Variants in AGBL5 observed in about 807,000 individuals in gnomAD.
AGBL5 encodes AGBL carboxypeptidase 5.
Under a neutral mutation model 88.0 loss-of-function variants are expected in AGBL5, and 51 were observed. The observed-to-expected ratio is 0.58, with a 90% confidence interval of 0.46 to 0.73. The LOEUF is 0.73. Among genes scored for constraint, AGBL5 ranks in the 30% least tolerant of loss-of-function variants. AGBL5 has a pLI of 0.00. For synonymous variants in AGBL5, 446 were observed against 438.8 expected, an observed-to-expected ratio of 1.02 and a Z score of -0.21; for missense variants, 1,031 against 1,162.2, an observed-to-expected ratio of 0.89 and a Z score of 1.64.
upstream of AGBL5, among the ~76,000 whole-genome samples, chr2:27,051,247 A>T (rs1403686528): frequency 6.6e-6 from 1 of 152,230 alleles, no homozygotes; most frequent in Non-Finnish European, 1.5e-5. Flanking sequence ...GCGCTCGCTT[A>T]GCATGCGAGA....
chr2:27,054,685 C>G lies in AGBL5; in HGVS notation c.607C>G (p.Leu203Val). The G allele has an allele frequency of 1.2e-6, 2 of 1,614,068 alleles. No homozygotes were observed. Reference protein sequence around the residue: ...RELLCYSLDGLRVDLLTITSC... With the variant: ...RELLCYSLDGVRVDLLTITSC... ...GCTCCTTTGCTATTCTCTGGATGGA[C>G]TTCGTGTAGATCTGCTGACGATCAC... Residue 203 changes from leucine to valine, a missense_variant, in exon 5 of 15, where the codon CTT (leucine) becomes GTT (valine). Leu to Val is a conservative substitution (Grantham distance 32). This residue lies in a region of AGBL5 where 540 missense variants were observed against 678.2 expected (regional missense o/e 0.80). Transcript: ENST00000360131.
chr2:27,063,817 G>C (rs948104844), intron 11 of AGBL5, among the ~76,000 whole-genome samples: 1 of 152,144 alleles, frequency 6.6e-6, no homozygotes, highest in African/African-American at 2.4e-5. Context: ...GGGGAGATCA[G>C]TCTCCCCTCA....
upstream of AGBL5, among the ~76,000 whole-genome samples, chr2:27,050,833 C>CA (rs1553335927): frequency 2.0e-5 from 3 of 152,212 alleles, no homozygotes; most frequent in African/African-American, 7.2e-5. Context: ...TAGGGCGTGG[C>CA]AATCCTTAGG....
At chr2:27,056,481 A>T (rs1668437555) in intron 7 of AGBL5, 142 bp from the exon 8 acceptor site, 1 of 768,286 alleles carries the variant, frequency 1.3e-6, no homozygotes. Context: ...TCAAACTGAG[A>T]ATTCAGGCAG....
In AGBL5 at chr2:27,056,779, G is replaced by T; in HGVS notation, c.1522G>T (p.Gly508Trp). ...CCGTGTTGCAATCTACAAAGCCTCA[G>T]GGATAATCCACAGGTTGGGTGGAAG... ...SGRVAIYKAS[G>W]IIHSYTLECN... is the part of the protein sequence containing the mutation. The change falls in exon 8 of 15, where the codon GGG (glycine) becomes TGG (tryptophan). Residue 508 changes from glycine (G) to tryptophan (W), a missense_variant. Physicochemically the swap from Gly to Trp is radical, Grantham distance 184 (BLOSUM62 -2). Coordinates refer to ENST00000360131, the MANE Select transcript of AGBL5 (RefSeq NM_021831.6). 1 of 1,607,474 alleles carries T rather than the reference G, an allele frequency of 6.2e-7. No individual in the cohort carries two copies. The highest frequency in any genetic ancestry group is 8.5e-7 in the Non-Finnish European group (1 of 1,176,040).
In AGBL5 at chr2:27,053,413, A is replaced by G. The variant is rs1340778156; in HGVS notation, c.227A>G (p.Tyr76Cys). ...EFENGNRSWFYFSVRGGMPGK... is the reference protein window; with the variant it reads ...EFENGNRSWFCFSVRGGMPGK... ...ACTCTGGTCCTCAGGTCATGGTTCT[A>G]CTTCAGCGTCCGGGGAGGAATGCCA... Residue 76 changes from tyrosine to cysteine, a missense_variant, in exon 3 of 15, where the codon TAC becomes TGC. Tyr to Cys is a radical substitution (Grantham distance 194, BLOSUM62 -2). Coordinates refer to ENST00000360131, the MANE Select transcript of AGBL5 (RefSeq NM_021831.6). The surrounding 1 kb of genome is among the most constrained non-coding windows in gnomAD (Gnocchi z 4.9). 1.2e-6 allele frequency: 2 copies of G among 1,614,034 alleles called. No individual in the cohort carries two copies. The highest frequency in any genetic ancestry group is 1.7e-6 in the Non-Finnish European group (2 of 1,179,994).
intron 5 of AGBL5, 35 bp downstream of exon 5, chr2:27,054,842 T>C (rs1196882940): frequency 1.9e-6 from 3 of 1,596,654 alleles, no homozygotes; most frequent in Non-Finnish European, 2.6e-6. Flanking sequence ...GTTCTTTGGC[T>C]TTTCTCTAGC....
intron 11 of AGBL5, among the ~76,000 whole-genome samples, chr2:27,062,242 G>A (rs1425077949): frequency 6.7e-6 from 1 of 149,676 alleles, no homozygotes; most frequent in Non-Finnish European, 1.5e-5. Context: ...TCCTGCTTCA[G>A]CCTCCCAATT....
upstream of AGBL5, among the ~76,000 whole-genome samples, chr2:27,051,253 C>T (rs982087439): frequency 2.0e-5 from 3 of 152,188 alleles, no homozygotes; most frequent in Admixed American, 6.5e-5. Context: ...GCTTAGCATG[C>T]GAGAGGTAGC....
intron 4 of AGBL5, 194 bp downstream of exon 4, chr2:27,054,253 G>T: frequency 1.6e-6 from 1 of 626,234 alleles, no homozygotes; most frequent in Non-Finnish European, 2.6e-6. Flanking sequence ...ATCGACACCT[G>T]CCCTCCACTC....
rs5830033 is a variant in AGBL5, at chr2:27,066,234, CAAAA to C, written c.2090-1243_2090-1240del. 9.3e-3 allele frequency among the ~76,000 whole-genome samples: 787 copies of C among 84,458 alleles called. 4 individuals carry two copies. The highest frequency in any genetic ancestry group is 0.015 in the Non-Finnish European group (590 of 39,976). 55.4% of individuals were successfully genotyped at this position (84,458 alleles called of 152,430 possible). A position where few individuals can be genotyped will look rare whatever the true frequency, so the allele number is the denominator to read the frequency against. ...AGGTGACAGAGTGAGACCCTGTCTC[CAAAA>C]AAAAAAAAAAAAAAAACCTCAGGTG... is the stretch of plus-strand genomic sequence containing the variant. On this transcript the variant is annotated intron_variant, in intron 11 of 14. Transcript: ENST00000360131.
At chr2:27,065,988 A>G (rs1668966502) in intron 11 of AGBL5, among the ~76,000 whole-genome samples, 1 of 152,184 alleles carries the variant, frequency 6.6e-6, no homozygotes, top group Non-Finnish European at 1.5e-5. Context: ...AGCCCAGTGC[A>G]ATGGCTCACA....
At chr2:27,056,862 G>A (rs1668456820) in intron 8 of AGBL5, 70 bp downstream of exon 8, 36 of 1,467,118 alleles carry the variant, frequency 2.5e-5, no homozygotes, top group Non-Finnish European at 3.3e-5. Flanking sequence ...TGGGTGTGGT[G>A]GTGCATGCTT....
chr2:27,058,715 A>T, intron 10 of AGBL5, 113 bp downstream of exon 10: 1 of 1,136,012 alleles, frequency 8.8e-7, no homozygotes, highest in Non-Finnish European at 1.3e-6. Context: ...GCCAAATGGC[A>T]AATATCTTCA....
In AGBL5 at chr2:27,058,588, A is replaced by C. The variant is rs1159850045; in HGVS notation, c.1860A>C (p.Pro620=). The C allele has an allele frequency of 1.2e-6, 2 of 1,614,028 alleles. No individual in the cohort carries two copies. The highest frequency in any genetic ancestry group is 1.7e-5 in the Admixed American group (1 of 60,014). ...ACAAGAAGAGGGGCCTTCGAACTCC[A>C]CCCAAAAGTCACAAGTAAGGCCAGC... ...GVNKKRGLRT[P]PKSHNGLPVS... Residue 620 remains proline (P), a synonymous_variant, in exon 10 of 15, where the codon CCA becomes CCC. Transcript: ENST00000360131.
chr2:27,056,864 T>C, intron 8 of AGBL5, 72 bp downstream of exon 8: 4 of 1,466,510 alleles, frequency 2.7e-6, no homozygotes, highest in Non-Finnish European at 3.7e-6. Context: ...GGTGTGGTGG[T>C]GCATGCTTGT....
chr2:27,055,639 G>C lies in AGBL5; in HGVS notation c.909-43G>C, dbSNP rs909298115. 3 of 1,566,100 alleles carry C rather than the reference G, an allele frequency of 1.9e-6. No homozygotes were observed. In the Admixed American group the frequency reaches 5.1e-5, roughly 27 times the overall value. Reference sequence around the variant, plus strand: ...ATCTACACTAGTGTCTCCTTCACTGGCCCAGTCCTCTAGAACCTGCTTCAG... The same window carrying C: ...ATCTACACTAGTGTCTCCTTCACTGCCCCAGTCCTCTAGAACCTGCTTCAG... On this transcript the variant is annotated intron_variant, in intron 6 of 14. Coordinates refer to ENST00000360131, the MANE Select transcript of AGBL5 (RefSeq NM_021831.6).
In AGBL5 at chr2:27,052,951, G is replaced by C. The variant is rs1361489674; in HGVS notation, c.-8G>C. ...AGCGGGGCAGGAGGATGCTTTCCCAGCCCCACCATGGAGCTGCGCTGTGGG... is the reference window on the plus strand; with the variant it reads ...AGCGGGGCAGGAGGATGCTTTCCCACCCCCACCATGGAGCTGCGCTGTGGG... On this transcript the variant is annotated 5_prime_UTR_variant, in exon 2 of 15. Transcript: ENST00000360131. 6.3e-7 allele frequency: 1 copy of C among 1,583,050 alleles called. No individual in the cohort carries two copies. Among genetic ancestry groups the C allele is most frequent in the Non-Finnish European group, 8.6e-7 (1 of 1,158,952 alleles).
At position 27,057,422 on chromosome 2, in the gene AGBL5, T is replaced by C. The variant is rs78871539; in HGVS notation, c.1655T>C (p.Val552Ala). 2.5e-6 allele frequency: 4 copies of C among 1,611,854 alleles called. No individual in the cohort carries two copies. The African/African-American group carries it at 5.3e-5, about 22-fold the overall frequency. Residue 552 changes from valine (V) to alanine (A), a missense_variant, in exon 9 of 15, where the codon GTG (valine) becomes GCG (alanine). This residue lies in a region of AGBL5 where 491 missense variants were observed against 484.0 expected (regional missense o/e 1.01). Coordinates refer to ENST00000360131, the MANE Select transcript of AGBL5 (RefSeq NM_021831.6). Reference sequence around the variant, plus strand: ...CCGGCTTTCCCCTCCAGATACACTGTGGAACTATTTGAGCAGGTATGAATA... The same window carrying C: ...CCGGCTTTCCCCTCCAGATACACTGCGGAACTATTTGAGCAGGTATGAATA... ...PPPAFPSRYT[V>A]ELFEQVGRAM...
Sources: allele counts gnomAD v4.1 joint callset (sites outside exome capture counted in the v4.1 genomes callset), GRCh38; gene constraint gnomAD v4.1.1; regional missense constraint gnomAD v4.1.1; non-coding constraint Gnocchi (gnomAD v3.1); transcripts MANE v1.5; gene names NCBI Gene and HGNC (gene_info 2026-07-23, HGNC 2026-07-21).